Variants in RABGAP1L observed in about 807,000 individuals in gnomAD.
RABGAP1L encodes RAB GTPase activating protein 1 like.
A neutral mutation model predicts 137.7 loss-of-function variants in RABGAP1L; 63 were observed. The observed-to-expected ratio is 0.46, with a 90% CI of 0.37 to 0.56. The LOEUF (loss-of-function observed/expected upper bound fraction) is 0.56. RABGAP1L is among the 20% of genes least tolerant of loss of function. The pLI, the probability that RABGAP1L is intolerant of heterozygous loss-of-function variation, is 0.00. For missense variants in RABGAP1L, 1,095 were observed against 1,244.0 expected, an observed-to-expected ratio of 0.88 and a Z score of 1.80; for synonymous variants, 431 against 433.7, an observed-to-expected ratio of 0.99 and a Z score of 0.08.
At chr1:174,974,076 C>T (rs546396274) in intron 21 of RABGAP1L, among the ~76,000 whole-genome samples, 11 of 150,110 alleles carry the variant, frequency 7.3e-5, no homozygotes, top group African/African-American at 2.7e-4. Flanking sequence ...GCAAGCTCCG[C>T]CTCCTGGTTT....
At chr1:174,804,068 T>A (rs925899681) in intron 18 of RABGAP1L, among the ~76,000 whole-genome samples, 3 of 151,544 alleles carry the variant, frequency 2.0e-5, no homozygotes, top group Non-Finnish European at 2.9e-5. Flanking sequence ...AAAAAAAAAA[T>A]TCACCTTAAA....
At chr1:174,808,585 CTT>C (rs1689563997) in intron 18 of RABGAP1L, among the ~76,000 whole-genome samples, 1 of 151,994 alleles carries the variant, frequency 6.6e-6, no homozygotes, top group African/African-American at 2.4e-5. Flanking sequence ...AAAATGCACT[CTT>C]ATACCTTAAA....
chr1:174,453,200 G>A lies in RABGAP1L; in HGVS notation c.1710+59055G>A, dbSNP rs75026286. On this transcript the variant is annotated intron_variant, in intron 13 of 25. Transcript: ENST00000681986. ...AAATATGCTTAAACATTTTATTCTC[G>A]TTAGGGAAGTAATAATAGGAAGGAT... Among the ~76,000 whole-genome samples the A allele has an allele frequency of 7.2e-3, 1,090 of 152,172 alleles. 13 individuals carry two copies. The highest frequency in any genetic ancestry group is 0.023 in the African/African-American group (971 of 41,518).
At chr1:174,251,916 A>C (rs72713504) in intron 6 of RABGAP1L, among the ~76,000 whole-genome samples, 1 of 144,862 alleles carries the variant, frequency 6.9e-6, no homozygotes, top group Admixed American at 6.9e-5. Flanking sequence ...TTTTTTTTGG[A>C]GATAGAGTCT....
intron 13 of RABGAP1L, among the ~76,000 whole-genome samples, chr1:174,621,024 A>T (rs1280484803): frequency 6.6e-6 from 1 of 152,186 alleles, no homozygotes; most frequent in East Asian, 1.9e-4. Context: ...CAAATAAACT[A>T]GAAAATCTAG....
At chr1:174,608,521 GA>G (rs374737082) in intron 13 of RABGAP1L, among the ~76,000 whole-genome samples, 141 of 152,262 alleles carry the variant, frequency 9.3e-4, no homozygotes, top group African/African-American at 3.1e-3. Context: ...AAGCACTATG[GA>G]AGGAATCTGA....
At chr1:174,175,482 T>C (rs1445283085) in intron 1 of RABGAP1L, among the ~76,000 whole-genome samples, 1 of 151,192 alleles carries the variant, frequency 6.6e-6, no homozygotes, top group East Asian at 1.9e-4. Context: ...GACTACAGGC[T>C]TTCTTTTTTC....
At chr1:174,370,500 TAAG>T (rs1292463391) in intron 11 of RABGAP1L, among the ~76,000 whole-genome samples, 1 of 139,486 alleles carries the variant, frequency 7.2e-6, no homozygotes, top group African/African-American at 2.7e-5. Flanking sequence ...AAATACATCT[TAAG>T]AAACCTAACT....
intron 13 of RABGAP1L, among the ~76,000 whole-genome samples, chr1:174,400,331 CA>C (rs1362450024): frequency 6.6e-6 from 1 of 152,110 alleles, no homozygotes; most frequent in Admixed American, 6.6e-5. Context: ...GGGGCTATCA[CA>C]GTGTGCTTGC....
chr1:174,448,918 G>C lies in RABGAP1L; in HGVS notation c.1710+54773G>C. On this transcript the variant is annotated intron_variant, in intron 13 of 25. Coordinates refer to ENST00000681986, the MANE Select transcript of RABGAP1L (RefSeq NM_001366446.1). This position sits in a 1 kb window ranked among gnomAD's most constrained non-coding sequence, Gnocchi z 4.2. ...GTCGCTACGCCATGGTTTTGTTTAG[G>C]ATAACCAGTGTATTTTATATGCTGT... 6.2e-7 allele frequency: 1 copy of C among 1,613,880 alleles called. No homozygotes were observed. The highest frequency in any genetic ancestry group is 8.5e-7 in the Non-Finnish European group (1 of 1,179,818).
At chr1:174,660,323 C>G (rs1676280240) in intron 14 of RABGAP1L, among the ~76,000 whole-genome samples, 1 of 152,150 alleles carries the variant, frequency 6.6e-6, no homozygotes, top group South Asian at 2.1e-4. Flanking sequence ...TGTGAGGGCT[C>G]CTGTTCTTCA....
chr1:174,604,907 G>A (rs1054547965), intron 13 of RABGAP1L, among the ~76,000 whole-genome samples: 21 of 152,132 alleles, frequency 1.4e-4, no homozygotes, highest in African/African-American at 5.1e-4. Context: ...ACTTCGGGAG[G>A]CTGAGGCAGG....
chr1:174,533,653 C>T (rs545935301), intron 13 of RABGAP1L, among the ~76,000 whole-genome samples: 8 of 151,926 alleles, frequency 5.3e-5, no homozygotes, highest in African/African-American at 1.2e-4. Context: ...ATATAACATA[C>T]GAAATACGTG....
At chr1:174,239,191 C>T (rs568218764) in intron 4 of RABGAP1L, among the ~76,000 whole-genome samples, 5 of 152,290 alleles carry the variant, frequency 3.3e-5, no homozygotes, top group South Asian at 4.1e-4. Flanking sequence ...GAGATGAACC[C>T]GGTACCTCAG....
intron 13 of RABGAP1L, among the ~76,000 whole-genome samples, chr1:174,502,593 T>TATATATATAC (rs1330698741): frequency 1.0e-4 from 15 of 147,592 alleles, no homozygotes; most frequent in Non-Finnish European, 1.6e-4. Context: ...TATATATATA[T>TATATATATAC]ATATGTACAT....
chr1:174,963,269 T>C (rs1467683834), intron 20 of RABGAP1L, among the ~76,000 whole-genome samples: 1 of 152,194 alleles, frequency 6.6e-6, no homozygotes, highest in Non-Finnish European at 1.5e-5. Context: ...GATAACTTAA[T>C]GATAAACTTC....
At chr1:174,747,577 C>T (rs961797893) in intron 17 of RABGAP1L, among the ~76,000 whole-genome samples, 2 of 152,020 alleles carry the variant, frequency 1.3e-5, no homozygotes, top group East Asian at 1.9e-4. Flanking sequence ...TTCATATAAG[C>T]AGATATAGTA....
At chr1:174,433,931 T>C (rs1004291062) in intron 13 of RABGAP1L, among the ~76,000 whole-genome samples, 6 of 152,172 alleles carry the variant, frequency 3.9e-5, no homozygotes, top group African/African-American at 1.2e-4. Context: ...TTCAGTCTCT[T>C]CAGCTATAAC....
chr1:174,268,442 A>G (rs1422290198), intron 7 of RABGAP1L, among the ~76,000 whole-genome samples: 2 of 152,002 alleles, frequency 1.3e-5, no homozygotes, highest in South Asian at 4.2e-4. Context: ...TGACCTTGTG[A>G]TCTGCCCACC....
Sources: allele counts gnomAD v4.1 joint callset (sites outside exome capture counted in the v4.1 genomes callset), GRCh38; gene constraint gnomAD v4.1.1; non-coding constraint Gnocchi (gnomAD v3.1); transcripts MANE v1.5; gene names NCBI Gene and HGNC (gene_info 2026-07-23, HGNC 2026-07-21).